PTPRN2: variants seen among roughly 807,000 people sequenced by gnomAD.
PTPRN2 encodes the protein protein tyrosine phosphatase receptor type N2.
In PTPRN2, 74 loss-of-function variants were observed where a neutral mutation model predicts 118.8. The observed-to-expected ratio is 0.62, with a 90% confidence interval of 0.52 to 0.76. The LOEUF (loss-of-function observed/expected upper bound fraction) is 0.76, where lower values mean the gene tolerates loss of function less well. PTPRN2 is among the 30% of genes least tolerant of loss of function. The pLI is 0.00. For missense variants in PTPRN2, 1,481 were observed against 1,394.4 expected, an observed-to-expected ratio of 1.06 and a Z score of -0.99; for synonymous variants, 641 against 608.0, an observed-to-expected ratio of 1.05 and a Z score of -0.80.
At chr7:157,961,638 CCAT>C (rs1278662119) in intron 11 of PTPRN2, among the ~76,000 whole-genome samples, 1 of 152,154 alleles carries the variant, frequency 6.6e-6, no homozygotes, top group African/African-American at 2.4e-5. Flanking sequence ...ATTAAAGCAT[CCAT>C]TTAATAACGG....
chr7:158,441,357 GGTGATGGCA>G (rs1817156292), intron 2 of PTPRN2, among the ~76,000 whole-genome samples: 1 of 149,830 alleles, frequency 6.7e-6, no homozygotes, highest in Admixed American at 6.6e-5. Context: ...TGGTGGTGAT[GGTGATGGCA>G]GTGGTGGCAG....
chr7:157,642,296 G>A (rs1804719970), intron 14 of PTPRN2, among the ~76,000 whole-genome samples: 1 of 152,222 alleles, frequency 6.6e-6, no homozygotes, highest in Non-Finnish European at 1.5e-5. Context: ...AAGGTAAGCA[G>A]AGCCCACCTG....
At chr7:157,887,484 T>G in intron 12 of PTPRN2, among the ~76,000 whole-genome samples, 1 of 15,382 alleles carries the variant, frequency 6.5e-5, no homozygotes, top group Non-Finnish European at 1.2e-4. Flanking sequence ...TACCTGCTGC[T>G]GCCAGTACCC....
At chr7:158,379,430 C>G (rs149097295) in intron 2 of PTPRN2, among the ~76,000 whole-genome samples, 1 of 152,274 alleles carries the variant, frequency 6.6e-6, no homozygotes, top group East Asian at 1.9e-4. Flanking sequence ...AAGAGCCACA[C>G]TAATTACACA....
chr7:158,515,423 G>A (rs1213293954), intron 1 of PTPRN2, among the ~76,000 whole-genome samples: 2 of 152,102 alleles, frequency 1.3e-5, no homozygotes, highest in African/African-American at 2.4e-5. Context: ...CCAACCTCAG[G>A]TGATCAGCCC....
intron 11 of PTPRN2, among the ~76,000 whole-genome samples, chr7:157,937,114 C>G (rs1043963569): frequency 6.6e-6 from 1 of 152,210 alleles, no homozygotes; most frequent in Non-Finnish European, 1.5e-5. Flanking sequence ...CCTCCGGACC[C>G]CTGAACACCG....
chr7:157,731,439 C>G lies in PTPRN2; in HGVS notation c.1789-48502G>C, dbSNP rs142626567. Among the ~76,000 whole-genome samples the G allele has an allele frequency of 2.0e-5, 3 of 152,292 alleles. 1 individual carries two copies. Among genetic ancestry groups the G allele is most frequent in the Non-Finnish European group, 4.4e-5 (3 of 68,008 alleles). On this transcript the variant is annotated intron_variant, in intron 12 of 22. Coordinates refer to ENST00000389418, the MANE Select transcript of PTPRN2 (RefSeq NM_002847.5). ...GTAAGTCCAGAGGTCTCCCTGGGGA[C>G]AGGGCCTGTGTTACTCTTCCTTCCC...
chr7:157,766,430 C>G (rs1342464855), intron 12 of PTPRN2, among the ~76,000 whole-genome samples: 3 of 152,082 alleles, frequency 2.0e-5, no homozygotes, highest in Admixed American at 2.0e-4. Flanking sequence ...ATCCATCCAT[C>G]CATCCATGCA....
At position 158,222,051 on chromosome 7, in the gene PTPRN2, A is replaced by G. The variant is rs115431284; in HGVS notation, c.278-16778T>C. On this transcript the variant is annotated intron_variant, in intron 3 of 22. Coordinates refer to ENST00000389418, the MANE Select transcript of PTPRN2 (RefSeq NM_002847.5). Reference sequence around the variant, plus strand: ...TACTATTTCACATGAGCCAGAATGAATATTTTTAAAAAGTCAAAAAATAAC... The same window carrying G: ...TACTATTTCACATGAGCCAGAATGAGTATTTTTAAAAAGTCAAAAAATAAC... Among the ~76,000 whole-genome samples, 1,004 of 152,302 alleles carry G rather than the reference A, an allele frequency of 6.6e-3. 10 individuals carry two copies. Among genetic ancestry groups the G allele is most frequent in the African/African-American group, 0.023 (953 of 41,576 alleles).
intron 12 of PTPRN2, among the ~76,000 whole-genome samples, chr7:157,843,395 G>A (rs1311585915): frequency 1.3e-5 from 2 of 152,096 alleles, no homozygotes; most frequent in Non-Finnish European, 2.9e-5. Context: ...GTGGTGGTAG[G>A]GGGGCCGGCG....
rs775567006 is a variant in PTPRN2, at chr7:157,603,086, G to A, written c.2418+916C>T. The stretch of plus-strand genomic sequence containing the variant: ...ATGGAGCCCCAGCCTCTCCACCACT[G>A]GTTTAAAGTGCCATCCGCCAGGTCT... On this transcript the variant is annotated intron_variant, in intron 16 of 22. Transcript: ENST00000389418. This position sits in a 1 kb window ranked among gnomAD's most constrained non-coding sequence, Gnocchi z 5.4. Among the ~76,000 whole-genome samples, 4 of 152,188 alleles carry A rather than the reference G, an allele frequency of 2.6e-5. No individual in the cohort carries two copies. Among genetic ancestry groups the A allele is most frequent in the Admixed American group, 6.5e-5 (1 of 15,276 alleles).
chr7:158,058,139 G>A (rs573740604), intron 11 of PTPRN2, among the ~76,000 whole-genome samples: 6 of 152,232 alleles, frequency 3.9e-5, no homozygotes, highest in Non-Finnish European at 5.9e-5. Context: ...TCTGCGCACG[G>A]TGACGCATCA....
intron 13 of PTPRN2, among the ~76,000 whole-genome samples, chr7:157,675,412 G>A (rs563384596): frequency 1.4e-4 from 22 of 152,296 alleles, no homozygotes; most frequent in African/African-American, 5.1e-4. Flanking sequence ...GGGCTCACCC[G>A]GGTGTTGGCT....
chr7:158,397,035 C>T (rs989034515), intron 2 of PTPRN2, among the ~76,000 whole-genome samples: 1 of 152,210 alleles, frequency 6.6e-6, no homozygotes, highest in African/African-American at 2.4e-5. Flanking sequence ...AGACCCAGGC[C>T]CCGCTGAAGT....
At chr7:157,642,665 C>T (rs1804746291) in intron 14 of PTPRN2, among the ~76,000 whole-genome samples, 1 of 152,060 alleles carries the variant, frequency 6.6e-6, no homozygotes. Flanking sequence ...CTCCCACAAC[C>T]GTTAATTCGT....
intron 17 of PTPRN2, among the ~76,000 whole-genome samples, chr7:157,581,190 A>G (rs1446410498): frequency 2.6e-5 from 4 of 152,196 alleles, no homozygotes; most frequent in African/African-American, 7.2e-5. Context: ...CACTTGCACC[A>G]CCATCCCTGG....
At chr7:158,125,890 C>T (rs4909094) in intron 9 of PTPRN2, among the ~76,000 whole-genome samples, 48,916 of 152,078 alleles carry the variant, frequency 0.32, 8,073 homozygotes, top group East Asian at 0.43. Flanking sequence ...GGCTGCACCC[C>T]GTCCTGGCAC....
chr7:158,312,030 TAG>T lies in PTPRN2; in HGVS notation c.277+4787_277+4788del, dbSNP rs1481463157. On this transcript the variant is annotated intron_variant, in intron 3 of 22. Transcript: ENST00000389418. The stretch of plus-strand genomic sequence containing the variant: ...ACCTGCACATTCACATGCTCACGTG[TAG>T]AGACACACACATGCACACACGTGCT... Among the ~76,000 whole-genome samples, 202 of 143,780 alleles carry T rather than the reference TAG, an allele frequency of 1.4e-3. 1 individual carries two copies. The highest frequency in any genetic ancestry group is 4.0e-3 in the African/African-American group (152 of 38,240). 94.3% of individuals were successfully genotyped at this position (143,780 alleles called of 152,430 possible). A position where few individuals can be genotyped will look rare whatever the true frequency, so the allele number is the denominator to read the frequency against.
At chr7:158,340,589 C>T (rs1480858726) in intron 2 of PTPRN2, among the ~76,000 whole-genome samples, 49 of 115,332 alleles carry the variant, frequency 4.2e-4, no homozygotes, top group African/African-American at 1.2e-3. Flanking sequence ...AGCCGACGCC[C>T]GCAGACATCA....
Sources: gnomAD v4.1 joint callset for allele counts (sites outside exome capture counted in the v4.1 genomes callset) on GRCh38, gnomAD v4.1.1 for gene constraint, Gnocchi (gnomAD v3.1) non-coding constraint, MANE v1.5 for transcripts, NCBI Gene and HGNC (gene_info 2026-07-23, HGNC 2026-07-21) for gene names.